BAZ1A: variants seen among roughly 807,000 people sequenced by gnomAD.
BAZ1A encodes the protein bromodomain adjacent to zinc finger domain protein 1A.
Under a neutral mutation model 185.2 loss-of-function variants are expected in BAZ1A, and 50 were observed. The observed-to-expected ratio is 0.27, with a 90% CI of 0.22 to 0.34. BAZ1A has a LOEUF of 0.34. Ranked by LOEUF, BAZ1A falls within the 10% of genes least tolerant of loss-of-function variation. BAZ1A has a pLI of 1.00. For synonymous variants in BAZ1A, 571 were observed against 615.6 expected, an observed-to-expected ratio of 0.93 and a Z score of 1.07; for missense variants, 1,356 against 1,839.9, an observed-to-expected ratio of 0.74 and a Z score of 4.81.
At chr14:34,869,065 G>C (rs1370741427) in intron 2 of BAZ1A, among the ~76,000 whole-genome samples, 1 of 151,494 alleles carries the variant, frequency 6.6e-6, no homozygotes, top group Non-Finnish European at 1.5e-5. Context: ...AAATTAGCCA[G>C]GCTTGGTGGC....
chr14:34,842,325 G>A (rs1672207164), intron 3 of BAZ1A, among the ~76,000 whole-genome samples: 1 of 152,136 alleles, frequency 6.6e-6, no homozygotes, highest in Non-Finnish European at 1.5e-5. Flanking sequence ...GTCACCTTTT[G>A]TTGCCACTAG....
At chr14:34,803,790 T>C (rs1251665580) in intron 6 of BAZ1A, among the ~76,000 whole-genome samples, 3 of 152,178 alleles carry the variant, frequency 2.0e-5, no homozygotes, top group Non-Finnish European at 4.4e-5. Context: ...CTTAACTACT[T>C]AATATATCAA....
At position 34,762,072 on chromosome 14, in the gene BAZ1A, T is replaced by G. The variant is rs1312433995; in HGVS notation, c.3928A>C (p.Lys1310Gln). Residue 1310 changes from lysine to glutamine, a missense_variant, in exon 24 of 27, where the codon AAA (lysine) becomes CAA (glutamine). Physicochemically the swap from Lys to Gln is moderately conservative, Grantham distance 53. Transcript: ENST00000360310. Reference protein sequence around the residue: ...QSTPKTTVSSKTGRSLRKINS... With the variant: ...QSTPKTTVSSQTGRSLRKINS... Reference sequence around the variant, plus strand: ...ATCTTTCTTAGGCTTCTACCAGTTTTAGAAGAAACAGTTGTTTTGGGTGTG... The same window carrying G: ...ATCTTTCTTAGGCTTCTACCAGTTTGAGAAGAAACAGTTGTTTTGGGTGTG... The G allele has an allele frequency of 6.2e-7, 1 of 1,614,214 alleles. No individual in the cohort carries two copies. Among genetic ancestry groups the G allele is most frequent in the Admixed American group, 1.7e-5 (1 of 60,020 alleles).
intron 6 of BAZ1A, among the ~76,000 whole-genome samples, chr14:34,806,048 A>C (rs1290339535): frequency 6.6e-6 from 1 of 151,940 alleles, no homozygotes; most frequent in Non-Finnish European, 1.5e-5. Context: ...ATCATGTTTA[A>C]CATTAAAATT....
At chr14:34,852,532 T>C (rs2042613848) in intron 3 of BAZ1A, among the ~76,000 whole-genome samples, 1 of 152,050 alleles carries the variant, frequency 6.6e-6, no homozygotes, top group South Asian at 2.1e-4. Flanking sequence ...GGCATGAGAA[T>C]GGCTTGAGCC....
At chr14:34,762,750 G>A (rs575073887) in intron 23 of BAZ1A, among the ~76,000 whole-genome samples, 8 of 152,266 alleles carry the variant, frequency 5.3e-5, no homozygotes, top group South Asian at 2.1e-4. Context: ...GATTACAGGC[G>A]TAAGCCACCG....
intron 3 of BAZ1A, among the ~76,000 whole-genome samples, chr14:34,855,436 T>G (rs2042661728): frequency 6.6e-6 from 1 of 152,258 alleles, no homozygotes; most frequent in Non-Finnish European, 1.5e-5. Flanking sequence ...AGAGTCACTC[T>G]GAACCTATTT....
chr14:34,827,097 C>CTT (rs1387160172), intron 3 of BAZ1A, among the ~76,000 whole-genome samples: 1 of 152,038 alleles, frequency 6.6e-6, no homozygotes, highest in African/African-American at 2.4e-5. Context: ...CTCTCTCTCT[C>CTT]TCTCGATAAA....
At chr14:34,820,614 G>A (rs1256933825) in intron 4 of BAZ1A, among the ~76,000 whole-genome samples, 4 of 152,034 alleles carry the variant, frequency 2.6e-5, no homozygotes, top group Non-Finnish European at 5.9e-5. Flanking sequence ...TCTTTCATGG[G>A]TTATGCCTTT....
chr14:34,797,195 A>G (rs961758871), intron 9 of BAZ1A, among the ~76,000 whole-genome samples: 2 of 152,224 alleles, frequency 1.3e-5, no homozygotes, highest in African/African-American at 4.8e-5. Context: ...AAAGCATATA[A>G]AACTTTAAAT....
chr14:34,780,592 T>C (rs1879972736), intron 16 of BAZ1A, among the ~76,000 whole-genome samples: 1 of 152,150 alleles, frequency 6.6e-6, no homozygotes, highest in Non-Finnish European at 1.5e-5. Context: ...GAAGTGATAT[T>C]TTACAATGTG....
In BAZ1A at chr14:34,764,829, C is replaced by T. The variant is rs1878722507; in HGVS notation, c.3654G>A (p.Val1218=). ...CATCCTCACCTCCCATACTGTCTTC[C>T]ACATCTTCATCACTTTCCAAGGATG... ...QRPSLESDED[V]EDSMGGEDDE... The change falls in exon 23 of 27, where the codon GTG becomes GTA. Residue 1218 remains valine (V), a synonymous_variant. Transcript: ENST00000360310. 6.2e-7 allele frequency: 1 copy of T among 1,613,948 alleles called. No homozygotes were observed. The highest frequency in any genetic ancestry group is 8.5e-7 in the Non-Finnish European group (1 of 1,179,996).
At chr14:34,858,574 CA>C (rs1257087203) in intron 3 of BAZ1A, among the ~76,000 whole-genome samples, 1 of 152,114 alleles carries the variant, frequency 6.6e-6, no homozygotes, top group Non-Finnish European at 1.5e-5. Flanking sequence ...CTTAGCCTCC[CA>C]AAGTGCTGAG....
intron 3 of BAZ1A, among the ~76,000 whole-genome samples, chr14:34,837,327 C>T (rs565973553): frequency 9.2e-5 from 14 of 151,780 alleles, no homozygotes; most frequent in South Asian, 2.1e-4. Context: ...CTGCCATTTC[C>T]GCCTCCCAGT....
chr14:34,843,357 T>C (rs1422716765), intron 3 of BAZ1A, among the ~76,000 whole-genome samples: 1 of 152,194 alleles, frequency 6.6e-6, no homozygotes, highest in African/African-American at 2.4e-5. Context: ...AGGCTTGTAC[T>C]TTCTTGCACT....
chr14:34,792,436 CA>C (rs1019400941), intron 12 of BAZ1A, among the ~76,000 whole-genome samples: 7 of 150,278 alleles, frequency 4.7e-5, no homozygotes, highest in African/African-American at 1.7e-4. Context: ...CCCAAAAAAA[CA>C]AAGAAACAGT....
intron 3 of BAZ1A, among the ~76,000 whole-genome samples, chr14:34,832,845 A>C (rs1238802319): frequency 6.6e-6 from 1 of 152,150 alleles, no homozygotes; most frequent in Non-Finnish European, 1.5e-5. Flanking sequence ...GAAAACAAGA[A>C]CTCAGATACT....
At position 34,775,814 on chromosome 14, in the gene BAZ1A, G is replaced by C. The variant is rs547342478; in HGVS notation, c.2833+105C>G. On this transcript the variant is annotated intron_variant, in intron 18 of 26. Transcript: ENST00000360310. ...AAGGACAGCCTAAATCAAAGATAAG[G>C]TGTTGTAAATGTATTTCTAATAGGT... is the stretch of plus-strand genomic sequence containing the variant. The C allele has an allele frequency of 1.1e-5, 9 of 810,380 alleles. 1 individual carries two copies. The highest frequency in any genetic ancestry group is 1.6e-5 in the Non-Finnish European group (8 of 507,426). 50.2% of individuals were successfully genotyped at this position (810,380 alleles called of 1,614,324 possible). A position where few individuals can be genotyped will look rare whatever the true frequency, so the allele number is the denominator to read the frequency against.
At chr14:34,801,973 T>TTAACTCTG (rs1881595459) in intron 7 of BAZ1A, among the ~76,000 whole-genome samples, 1 of 151,168 alleles carries the variant, frequency 6.6e-6, no homozygotes, top group Non-Finnish European at 1.5e-5. Flanking sequence ...AGAACATGAG[T>TTAACTCTG]TAACTCTGTA....
Sources: allele counts gnomAD v4.1 joint callset (sites outside exome capture counted in the v4.1 genomes callset), GRCh38; gene constraint gnomAD v4.1.1; transcripts MANE v1.5; gene names NCBI Gene and HGNC (gene_info 2026-07-23, HGNC 2026-07-21).